ZEB1: variants seen among roughly 807,000 people sequenced by gnomAD.
The protein encoded by ZEB1 is zinc finger E-box binding homeobox 1, also known as zinc finger E-box-binding homeobox 1.
In ZEB1, 21 loss-of-function variants were observed where a neutral mutation model predicts 84.9. The observed-to-expected ratio is 0.25, with a 90% CI of 0.18 to 0.36. The LOEUF (loss-of-function observed/expected upper bound fraction) is 0.36, where lower values mean the gene tolerates loss of function less well. ZEB1 is among the 10% of genes least tolerant of loss of function. ZEB1 has a pLI of 1.00. For missense variants in ZEB1, 1,104 were observed against 1,330.2 expected, an observed-to-expected ratio of 0.83 and a Z score of 2.65; for synonymous variants, 420 against 471.1, an observed-to-expected ratio of 0.89 and a Z score of 1.41.
At chr10:31,436,424 A>G (rs2058304579) in intron 1 of ZEB1, among the ~76,000 whole-genome samples, 1 of 151,128 alleles carries the variant, frequency 6.6e-6, no homozygotes, top group African/African-American at 2.5e-5. Flanking sequence ...CTTTTTTTTC[A>G]TTTATGGGCT....
upstream of ZEB1, chr10:31,319,046 G>A (rs556811872): frequency 5.5e-5 from 35 of 642,174 alleles, no homozygotes; most frequent in Admixed American, 3.2e-4. Flanking sequence ...AAACCGCCCG[G>A]TCCCTAGCAA....
At chr10:31,472,385 G>T (rs1168114182) in intron 2 of ZEB1, among the ~76,000 whole-genome samples, 1 of 152,080 alleles carries the variant, frequency 6.6e-6, no homozygotes, top group Non-Finnish European at 1.5e-5. Context: ...TATCACCACC[G>T]ATCCCACAGA....
chr10:31,505,227 G>T (rs1159480549), intron 4 of ZEB1, among the ~76,000 whole-genome samples: 2 of 152,070 alleles, frequency 1.3e-5, no homozygotes, highest in Non-Finnish European at 2.9e-5. Flanking sequence ...TGTCATCAGG[G>T]ATATTGACCT....
chr10:31,494,671 A>G (rs918766471), intron 2 of ZEB1, among the ~76,000 whole-genome samples: 1 of 151,676 alleles, frequency 6.6e-6, no homozygotes, highest in Non-Finnish European at 1.5e-5. Flanking sequence ...ATTATGACAT[A>G]TACTCTGCTA....
Position 31,370,193 on chromosome 10 carries a change from A to G in ZEB1, c.58+50901A>G, listed in dbSNP as rs16932355. 8.2e-3 allele frequency among the ~76,000 whole-genome samples: 1,248 copies of G among 152,290 alleles called. 78 individuals are homozygous for G. The East Asian group carries it at 0.16, about 20-fold the overall frequency. On this transcript the variant is annotated intron_variant, in intron 1 of 8. Coordinates refer to ENST00000424869, the MANE Select transcript of ZEB1 (RefSeq NM_001174096.2). ...TGAACTTCTCTGGCTGCTCATTTAT[A>G]TAGAATTGGGATGAGTTATGTCACC...
intron 4 of ZEB1, among the ~76,000 whole-genome samples, chr10:31,507,016 T>TC (rs1467118170): frequency 2.0e-5 from 3 of 152,170 alleles, no homozygotes; most frequent in Admixed American, 2.0e-4. Flanking sequence ...GTAGGGCCAG[T>TC]CTAGTGGTCA....
At chr10:31,326,683 A>G (rs1298069261) in intron 1 of ZEB1, among the ~76,000 whole-genome samples, 3 of 152,174 alleles carry the variant, frequency 2.0e-5, no homozygotes, top group Non-Finnish European at 4.4e-5. Flanking sequence ...GAGCATATTT[A>G]TCTAAGACGG....
At chr10:31,364,413 C>T (rs542657879) in intron 1 of ZEB1, among the ~76,000 whole-genome samples, 2 of 152,294 alleles carry the variant, frequency 1.3e-5, no homozygotes, top group South Asian at 4.1e-4. Context: ...TGCTGGCTAG[C>T]ACCCAGTGGC....
chr10:31,384,585 A>G (rs2048298931), intron 1 of ZEB1, among the ~76,000 whole-genome samples: 1 of 152,220 alleles, frequency 6.6e-6, no homozygotes, highest in African/African-American at 2.4e-5. Flanking sequence ...GGCCAGCATT[A>G]AAGAAGGAAA....
At chr10:31,328,675 C>A (rs2036113157) in intron 1 of ZEB1, among the ~76,000 whole-genome samples, 1 of 152,076 alleles carries the variant, frequency 6.6e-6, no homozygotes, top group Admixed American at 6.5e-5. Context: ...TTTGGTATGT[C>A]TTTCAGCTTT....
At chr10:31,459,830 A>AGTGT (rs3086581) in intron 1 of ZEB1, among the ~76,000 whole-genome samples, 2,086 of 129,850 alleles carry the variant, frequency 0.016, 31 homozygotes, top group Middle Eastern at 0.023. Flanking sequence ...TGTTCTCAGG[A>AGTGT]GTGTGTGTGT....
At chr10:31,525,604 C>T (rs2073281144) in intron 8 of ZEB1, among the ~76,000 whole-genome samples, 1 of 152,188 alleles carries the variant, frequency 6.6e-6, no homozygotes, top group Non-Finnish European at 1.5e-5. Context: ...TTCCCTGCCC[C>T]CACTACCAGC....
At chr10:31,434,822 A>G (rs1003839512) in intron 1 of ZEB1, among the ~76,000 whole-genome samples, 2 of 152,204 alleles carry the variant, frequency 1.3e-5, no homozygotes, top group Non-Finnish European at 2.9e-5. Context: ...ATAAAGCAGC[A>G]GTGTTTTAGT....
chr10:31,337,787 C>T lies in ZEB1; in HGVS notation c.58+18495C>T, dbSNP rs1357352519. On this transcript the variant is annotated intron_variant, in intron 1 of 8. Coordinates refer to ENST00000424869, the MANE Select transcript of ZEB1 (RefSeq NM_001174096.2). ...TGCTGCCTCCGTCTCCCCGGTCAAG[C>T]GATTCTCCTGCCTCAGCCTCCCCAG... Among the ~76,000 whole-genome samples, 9 of 149,114 alleles carry T rather than the reference C, an allele frequency of 6.0e-5. 1 individual carries two copies. The highest frequency in any genetic ancestry group is 3.4e-4 in the Admixed American group (5 of 14,878).
At chr10:31,455,972 G>A (rs1026177573) in intron 1 of ZEB1, among the ~76,000 whole-genome samples, 2 of 152,150 alleles carry the variant, frequency 1.3e-5, no homozygotes, top group East Asian at 1.9e-4. Context: ...GTTTATTGCA[G>A]CACTATTTAC....
At position 31,465,281 on chromosome 10, in the gene ZEB1, AAC is replaced by A. The variant is rs201867392; in HGVS notation, c.259+4048_259+4049del. On this transcript the variant is annotated intron_variant, in intron 2 of 8. Transcript: ENST00000424869. ...AAGTATGTAAATTGTGGTATAAATTAACACAGAATGTGGGAGGGGAGAGGTAA... is the reference window on the plus strand; with the variant it reads ...AAGTATGTAAATTGTGGTATAAATTAACAGAATGTGGGAGGGGAGAGGTAA... 7.0e-3 allele frequency among the ~76,000 whole-genome samples: 1,070 copies of A among 152,218 alleles called. 10 individuals carry two copies. The highest frequency in any genetic ancestry group is 0.023 in the African/African-American group (975 of 41,566).
intron 1 of ZEB1, among the ~76,000 whole-genome samples, chr10:31,446,058 G>T (rs2059724540): frequency 2.8e-5 from 4 of 142,884 alleles, no homozygotes; most frequent in Admixed American, 7.1e-5. Flanking sequence ...GACTCTTTTT[G>T]GTTGGTAAAC....
At chr10:31,360,935 T>G in intron 1 of ZEB1, 1 of 1,584,616 alleles carries the variant, frequency 6.3e-7, no homozygotes, top group Admixed American at 1.7e-5. Context: ...AAATTGCATG[T>G]CTGGAGGAAG....
At chr10:31,430,215 G>A (rs1472703150) in intron 1 of ZEB1, among the ~76,000 whole-genome samples, 23 of 152,086 alleles carry the variant, frequency 1.5e-4, no homozygotes, top group Non-Finnish European at 4.4e-5. Flanking sequence ...ACTAGTTAAG[G>A]TATAGACTGT....
Sources: allele counts gnomAD v4.1 joint callset (sites outside exome capture counted in the v4.1 genomes callset), GRCh38; gene constraint gnomAD v4.1.1; transcripts MANE v1.5; gene names NCBI Gene and HGNC (gene_info 2026-07-23, HGNC 2026-07-21).